Variants in CRPPA observed in about 807,000 individuals in gnomAD.
CRPPA encodes D-ribitol-5-phosphate cytidylyltransferase.
CRPPA carries 43 observed loss-of-function variants against 52.0 expected under a neutral mutation model. The ratio of observed to expected loss-of-function variants is 0.83; its 90% CI spans 0.65 to 1.07. The LOEUF is 1.07. CRPPA is among the 50% of genes least tolerant of loss of function. The pLI, the probability that CRPPA is intolerant of heterozygous loss-of-function variation, is 0.00. For synonymous variants in CRPPA, 250 were observed against 203.5 expected (o/e 1.23, Z -1.94); for missense variants, 629 against 551.7 (o/e 1.14, Z -1.40).
In CRPPA at chr7:16,088,412, C is replaced by CTTTTTTTTT. The variant is rs71549971; in HGVS notation, c.*3274_*3282dup. On this transcript the variant is annotated 3_prime_UTR_variant, in exon 10 of 10. Coordinates refer to ENST00000407010, the MANE Select transcript of CRPPA (RefSeq NM_001101426.4). Reference sequence around the variant, plus strand: ...ACTGTAAAGTTACCTCTGGATCTCTCTTTTTTTTTTTTTTTTTTTTTTTGA... The same window carrying CTTTTTTTTT: ...ACTGTAAAGTTACCTCTGGATCTCTCTTTTTTTTTTTTTTTTTTTTTTTTTTTTTTTTGA... 2 of 113,140 alleles carry CTTTTTTTTT rather than the reference C, an allele frequency of 1.8e-5. No individual in the cohort carries two copies. Among genetic ancestry groups the CTTTTTTTTT allele is most frequent in the Non-Finnish European group, 1.7e-5 (1 of 58,568 alleles). 7.0% of individuals were successfully genotyped at this position (113,140 alleles called of 1,614,324 possible).
chr7:16,250,075 C>T (rs150882645), intron 8 of CRPPA, among the ~76,000 whole-genome samples: 282 of 152,194 alleles, frequency 1.9e-3, no homozygotes, highest in African/African-American at 6.6e-3. Flanking sequence ...ACAAGAACTT[C>T]GTGAAGCATA....
chr7:16,350,095 C>T (rs552958499), intron 3 of CRPPA, among the ~76,000 whole-genome samples: 38 of 145,964 alleles, frequency 2.6e-4, no homozygotes, highest in African/African-American at 7.4e-4. Flanking sequence ...GGGAATTAAA[C>T]GATATTTTCA....
At chr7:16,390,606 G>A (rs1319340678) in intron 2 of CRPPA, among the ~76,000 whole-genome samples, 1 of 152,152 alleles carries the variant, frequency 6.6e-6, no homozygotes, top group Non-Finnish European at 1.5e-5. Flanking sequence ...AAATGGTAAA[G>A]TATTCCAGAG....
intron 2 of CRPPA, among the ~76,000 whole-genome samples, chr7:16,387,168 A>G (rs1787310535): frequency 6.8e-6 from 1 of 148,096 alleles, no homozygotes; most frequent in African/African-American, 2.5e-5. Flanking sequence ...TAAACTAATA[A>G]TTATTAGGTT....
intron 9 of CRPPA, among the ~76,000 whole-genome samples, chr7:16,178,005 A>C (rs10487913): frequency 0.063 from 9,607 of 152,060 alleles, 393 homozygotes; most frequent in East Asian, 0.14. Flanking sequence ...AGCTTCAATA[A>C]AGTATAAACA....
chr7:16,373,037 G>A (rs1015405789), intron 3 of CRPPA, among the ~76,000 whole-genome samples: 1 of 152,256 alleles, frequency 6.6e-6, no homozygotes, highest in Non-Finnish European at 1.5e-5. Flanking sequence ...GCTCATGCCT[G>A]TAATCCCAAC....
chr7:16,388,385 G>A (rs1583569299), intron 2 of CRPPA, among the ~76,000 whole-genome samples: 1 of 152,028 alleles, frequency 6.6e-6, no homozygotes, highest in South Asian at 2.1e-4. Context: ...AAAATGTATG[G>A]GGTACAGCTA....
chr7:16,244,514 G>A (rs10486792), intron 8 of CRPPA, among the ~76,000 whole-genome samples: 17,890 of 152,134 alleles, frequency 0.12, 1,091 homozygotes, highest in Non-Finnish European at 0.15. Flanking sequence ...ACTTGAGAAC[G>A]TAAGAGACAA....
intron 3 of CRPPA, among the ~76,000 whole-genome samples, chr7:16,318,725 G>C (rs867857682): frequency 1.3e-5 from 2 of 152,080 alleles, no homozygotes; most frequent in Non-Finnish European, 2.9e-5. Context: ...AAGTCCAACA[G>C]CACAAGCACA....
intron 9 of CRPPA, among the ~76,000 whole-genome samples, chr7:16,179,574 G>A (rs1781370917): frequency 6.6e-6 from 1 of 152,064 alleles, no homozygotes; most frequent in Non-Finnish European, 1.5e-5. Flanking sequence ...GCAAAGTAAT[G>A]CAGGCAGCCT....
chr7:16,403,711 C>A (rs1479673680), intron 2 of CRPPA, among the ~76,000 whole-genome samples: 1 of 152,058 alleles, frequency 6.6e-6, no homozygotes, highest in Non-Finnish European at 1.5e-5. Context: ...GACATAGTGC[C>A]TGGAGTTAAC....
intron 1 of CRPPA, among the ~76,000 whole-genome samples, chr7:16,412,006 C>T (rs1788086506): frequency 6.6e-6 from 1 of 152,128 alleles, no homozygotes. Flanking sequence ...TAACATTTGA[C>T]ATAAAGTAGT....
At chr7:16,092,299 GAAA>G (rs1781853542) in intron 9 of CRPPA, among the ~76,000 whole-genome samples, 2 of 152,186 alleles carry the variant, frequency 1.3e-5, no homozygotes, top group Admixed American at 6.5e-5. Flanking sequence ...TTTTGCCTTT[GAAA>G]TCATATTGCC....
At chr7:16,135,156 T>C (rs192735811) in intron 9 of CRPPA, among the ~76,000 whole-genome samples, 3 of 152,340 alleles carry the variant, frequency 2.0e-5, no homozygotes, top group East Asian at 1.9e-4. Flanking sequence ...AATTGTTACA[T>C]GCTCTTTGAA....
chr7:16,274,825 C>T (rs569518272), intron 6 of CRPPA, among the ~76,000 whole-genome samples: 9 of 151,990 alleles, frequency 5.9e-5, no homozygotes, highest in Admixed American at 1.3e-4. Flanking sequence ...AGCACACGAA[C>T]AATAAAGGGG....
intron 9 of CRPPA, among the ~76,000 whole-genome samples, chr7:16,131,990 T>C (rs1562519680): frequency 6.6e-6 from 1 of 152,072 alleles, no homozygotes; most frequent in Admixed American, 6.5e-5. Flanking sequence ...TGAACCACTA[T>C]AGGGGAAGAG....
chr7:16,397,439 G>A (rs1399556498), intron 2 of CRPPA, among the ~76,000 whole-genome samples: 2 of 152,106 alleles, frequency 1.3e-5, no homozygotes, highest in African/African-American at 2.4e-5. Context: ...TGTAACGTGT[G>A]ATGTAACAGA....
chr7:16,163,922 G>T (rs1192872453), intron 9 of CRPPA, among the ~76,000 whole-genome samples: 1 of 152,206 alleles, frequency 6.6e-6, no homozygotes, highest in Admixed American at 6.5e-5. Flanking sequence ...TGGGTAACCT[G>T]ACCTTTCTCT....
chr7:16,341,993 T>C (rs1253375592), intron 3 of CRPPA, among the ~76,000 whole-genome samples: 1 of 152,164 alleles, frequency 6.6e-6, no homozygotes, highest in East Asian at 1.9e-4. Flanking sequence ...TGGCAACCTT[T>C]CTATTGGTTT....
Sources: allele counts gnomAD v4.1 joint callset (sites outside exome capture counted in the v4.1 genomes callset), GRCh38; gene constraint gnomAD v4.1.1; transcripts MANE v1.5; gene names NCBI Gene and HGNC (gene_info 2026-07-23, HGNC 2026-07-21).